The following SHE variants were observed in gnomAD, a reference collection of about 807,000 sequenced individuals.
SHE encodes the protein Src homology 2 domain containing E.
Under a neutral mutation model 49.8 loss-of-function variants are expected in SHE, and 11 were observed. The observed-to-expected ratio is 0.22, with a 90% confidence interval of 0.14 to 0.37. The LOEUF is 0.37. Ranked by LOEUF, SHE falls within the 10% of genes least tolerant of loss-of-function variation. The pLI is 1.00. For missense variants in SHE, 624 were observed against 655.5 expected, an observed-to-expected ratio of 0.95 and a Z score of 0.52; for synonymous variants, 310 against 278.1, an observed-to-expected ratio of 1.11 and a Z score of -1.14.
At chr1:154,494,385 T>TTG (rs1179377247) in intron 2 of SHE, among the ~76,000 whole-genome samples, 3 of 150,206 alleles carry the variant, frequency 2.0e-5, no homozygotes, top group South Asian at 4.2e-4. Flanking sequence ...TTTTTTTTTT[T>TTG]TTTTTTTTTT....
chr1:154,476,919 C>G (rs138087625), downstream of SHE, among the ~76,000 whole-genome samples: 3 of 152,248 alleles, frequency 2.0e-5, no homozygotes, highest in East Asian at 5.8e-4. Context: ...AAATTTGAAT[C>G]AAGACATTAC....
intron 5 of SHE, chr1:154,485,493 A>C: frequency 6.3e-6 from 1 of 157,594 alleles, no homozygotes; most frequent in South Asian, 1.9e-4. Context: ...GCAAGTCAGC[A>C]TTTCCTTCTT....
At position 154,480,414 on chromosome 1, in the gene SHE, GT is replaced by G; in HGVS notation, c.*3734del. On this transcript the variant is annotated 3_prime_UTR_variant, in exon 6 of 6. Coordinates refer to ENST00000304760, the MANE Select transcript of SHE (RefSeq NM_001010846.3). The stretch of plus-strand genomic sequence containing the variant: ...ACCCGCAACTGAAGAATGCCTCACA[GT>G]TATTCTTCTGAATATCAAGATGCAT... 1 of 985,420 alleles carries G rather than the reference GT, an allele frequency of 1.0e-6. No individual in the cohort carries two copies. Among genetic ancestry groups the G allele is most frequent in the Non-Finnish European group, 1.2e-6 (1 of 829,940 alleles). The allele number at this position is 985,420 out of a possible 1,614,324, so 61.0% of individuals were successfully genotyped here.
chr1:154,473,766 T>C (rs983345639), intron 1 of SHE, among the ~76,000 whole-genome samples: 18 of 151,768 alleles, frequency 1.2e-4, no homozygotes, highest in Non-Finnish European at 2.2e-4. Context: ...ATCACACCAC[T>C]GCCTTCCAAC....
chr1:154,479,442 G>A (rs1041827059), downstream of SHE: 10 of 937,494 alleles, frequency 1.1e-5, no homozygotes, highest in African/African-American at 1.4e-4. Context: ...GAAGGAAGAT[G>A]ATTCTCAGAG....
chr1:154,482,931 C>G lies in SHE; in HGVS notation c.*1218G>C, dbSNP rs761301458. 5.1e-6 allele frequency: 5 copies of G among 984,818 alleles called. No homozygotes were observed. The highest frequency in any genetic ancestry group is 4.7e-5 in the South Asian group (1 of 21,274). The allele number at this position is 984,818 out of a possible 1,614,324, so 61.0% of individuals were successfully genotyped here. A position where few individuals can be genotyped will look rare whatever the true frequency, so the allele number is the denominator to read the frequency against. ...TTAAAAAATTTACTACAAAGCAAAT[C>G]TAATTTTAGAGACAAAAATTAAAAA... On this transcript the variant is annotated 3_prime_UTR_variant, in exon 6 of 6. Transcript: ENST00000304760.
In SHE at chr1:154,489,166, T is replaced by G; in HGVS notation, c.909A>C (p.Ala303=). The part of the protein sequence containing the change: ...PYEPAEGGPR[A]EGKARPPDSR... ...TGTCTGGGGGCCGCGCCTTCCCCTC[T>G]GCCCTGGGCCCCCCTTCTGCAGGCT... Residue 303 remains alanine, a synonymous_variant, in exon 3 of 6, where the codon GCA becomes GCC. Transcript: ENST00000304760. 6.2e-7 allele frequency: 1 copy of G among 1,614,160 alleles called. No individual in the cohort carries two copies. Among genetic ancestry groups the G allele is most frequent in the Non-Finnish European group, 8.5e-7 (1 of 1,180,010 alleles).
At chr1:154,470,737 G>A (rs1242133842) in intron 1 of SHE, among the ~76,000 whole-genome samples, 1 of 152,204 alleles carries the variant, frequency 6.6e-6, no homozygotes, top group African/African-American at 2.4e-5. Flanking sequence ...CTATTCTGGA[G>A]GCTGAGGCAG....
intron 2 of SHE, among the ~76,000 whole-genome samples, chr1:154,489,589 T>C (rs72698164): frequency 2.0e-5 from 3 of 152,210 alleles, no homozygotes; most frequent in Non-Finnish European, 4.4e-5. Flanking sequence ...CTGAGTCAGA[T>C]AATGGGATCC....
Position 154,483,483 on chromosome 1 carries a change from TAG to T in SHE, c.*664_*665del. ...CACGTGGATTTTTTGTTGGTTTGTT[TAG>T]AGACCAGGTATTCCAGGTAACAAGT... On this transcript the variant is annotated 3_prime_UTR_variant, in exon 6 of 6. Transcript: ENST00000304760. The T allele has an allele frequency of 6.1e-6, 6 of 985,450 alleles. No individual in the cohort carries two copies. The highest frequency in any genetic ancestry group is 4.8e-6 in the Non-Finnish European group (4 of 829,952). The allele number at this position is 985,450 out of a possible 1,614,324, so 61.0% of individuals were successfully genotyped here. A position where few individuals can be genotyped will look rare whatever the true frequency, so the allele number is the denominator to read the frequency against.
downstream of SHE, among the ~76,000 whole-genome samples, chr1:154,476,682 A>T (rs886427712): frequency 5.9e-5 from 9 of 152,198 alleles, no homozygotes; most frequent in African/African-American, 2.2e-4. Context: ...CAGAAAAAAA[A>T]AAAAGTAGAA....
intron 2 of SHE, among the ~76,000 whole-genome samples, chr1:154,498,743 T>C (rs946066778): frequency 1.3e-5 from 2 of 152,212 alleles, no homozygotes; most frequent in Non-Finnish European, 2.9e-5. Context: ...ATGTATTTGC[T>C]TCTTGGTAAG....
At chr1:154,488,894 T>C (rs1692269168) in intron 3 of SHE, among the ~76,000 whole-genome samples, 157 bp downstream of exon 3, 1 of 152,212 alleles carries the variant, frequency 6.6e-6, no homozygotes, top group Non-Finnish European at 1.5e-5. Flanking sequence ...CAGGTGGTCA[T>C]TCTTTCAATG....
chr1:154,478,180 C>T (rs1481180667), downstream of SHE, among the ~76,000 whole-genome samples: 2 of 152,146 alleles, frequency 1.3e-5, no homozygotes, highest in East Asian at 1.9e-4. Context: ...TGAAGCACAC[C>T]CTGCCCAGTG....
chr1:154,491,266 G>A (rs1218382263), intron 2 of SHE, among the ~76,000 whole-genome samples: 3 of 152,144 alleles, frequency 2.0e-5, no homozygotes, highest in Admixed American at 6.5e-5. Context: ...CACTGAGAAC[G>A]GCATGGGAGG....
At chr1:154,470,369 A>T in intron 1 of SHE, 1 of 1,289,208 alleles carries the variant, frequency 7.8e-7, no homozygotes, top group Non-Finnish European at 1.0e-6. Context: ...ATTTCTGTAG[A>T]GGATGGCAAG....
In SHE at chr1:154,499,232, T is replaced by C. The variant is rs760709654; in HGVS notation, c.598A>G (p.Ile200Val). ...KIIKQQETVI[I>V]LEDYADPYDA... is the part of the protein sequence containing the mutation. ...TAAGGGTCAGCATAGTCTTCTAAAA[T>C]GATGACCTGAAAAAGAACAAGAGAG... The change falls in exon 2 of 6, where the codon ATT (isoleucine) becomes GTT (valine). Residue 200 changes from isoleucine (I) to valine (V), a missense_variant. Coordinates refer to ENST00000304760, the MANE Select transcript of SHE (RefSeq NM_001010846.3). 2 of 1,612,910 alleles carry C rather than the reference T, an allele frequency of 1.2e-6. No homozygotes were observed. Among genetic ancestry groups the C allele is most frequent in the South Asian group, 1.1e-5 (1 of 91,026 alleles).
chr1:154,483,988 ACTTCGTCTC>A lies in SHE; in HGVS notation c.*152_*160del. On this transcript the variant is annotated 3_prime_UTR_variant, in exon 6 of 6. Coordinates refer to ENST00000304760, the MANE Select transcript of SHE (RefSeq NM_001010846.3). ...ACTCCAGCCTGGGCAACACAGCGAG[ACTTCGTCTC>A]AAACAAAACAAAACAAATCACTCTC... 4 of 1,421,310 alleles carry A rather than the reference ACTTCGTCTC, an allele frequency of 2.8e-6. No homozygotes were observed. The highest frequency in any genetic ancestry group is 3.7e-6 in the Non-Finnish European group (4 of 1,088,530). The allele number at this position is 1,421,310 out of a possible 1,614,324, so 88.0% of individuals were successfully genotyped here.
chr1:154,477,951 C>A (rs1484174797), downstream of SHE, among the ~76,000 whole-genome samples: 1 of 151,928 alleles, frequency 6.6e-6, no homozygotes, highest in Non-Finnish European at 1.5e-5. Flanking sequence ...TAAACAACTC[C>A]CCATTTCCTC....
Sources: gnomAD v4.1 joint callset for allele counts (sites outside exome capture counted in the v4.1 genomes callset) on GRCh38, gnomAD v4.1.1 for gene constraint, MANE v1.5 for transcripts, NCBI Gene and HGNC (gene_info 2026-07-23, HGNC 2026-07-21) for gene names.